The following COL4A4 variants were observed in gnomAD, a reference collection of about 807,000 sequenced individuals.
COL4A4 encodes the protein collagen type IV alpha 4 chain.
In COL4A4, 105 loss-of-function variants were observed where a neutral mutation model predicts 192.9. The ratio of observed to expected loss-of-function variants is 0.54; its 90% CI spans 0.46 to 0.64. COL4A4 has a LOEUF of 0.64. Ranked by LOEUF, COL4A4 falls within the 30% of genes least tolerant of loss-of-function variation. The pLI is 0.00. For missense variants in COL4A4, 1,967 were observed against 2,169.3 expected (o/e 0.91, Z 1.85); for synonymous variants, 762 against 769.9 (o/e 0.99, Z 0.17).
the COL4A4 span, among the ~76,000 whole-genome samples, chr2:226,992,337 TCTC>T: frequency 6.6e-6 from 1 of 152,208 alleles, no homozygotes; most frequent in Non-Finnish European, 1.5e-5. Flanking sequence ...TTAAAAACAT[TCTC>T]CTCAGATCAA....
intron 24 of COL4A4, among the ~76,000 whole-genome samples, chr2:227,079,042 C>T: frequency 6.6e-6 from 1 of 152,204 alleles, no homozygotes. Context: ...ATAACAGCTC[C>T]CATGGGGAAT....
intron 43 of COL4A4, among the ~76,000 whole-genome samples, chr2:227,024,734 G>A (rs1966673514): frequency 6.6e-6 from 1 of 152,190 alleles, no homozygotes; most frequent in African/African-American, 2.4e-5. Context: ...AAAACCACAA[G>A]CCACACAGGG....
chr2:226,987,465 G>A, the COL4A4 span, among the ~76,000 whole-genome samples: 2 of 152,248 alleles, frequency 1.3e-5, no homozygotes, highest in Non-Finnish European at 2.9e-5. Flanking sequence ...CAGCTAGCTG[G>A]TAGGACAGGC....
At chr2:227,134,748 A>G (rs1288649646) in intron 4 of COL4A4, among the ~76,000 whole-genome samples, 2 of 152,254 alleles carry the variant, frequency 1.3e-5, no homozygotes, top group Non-Finnish European at 2.9e-5. Flanking sequence ...CGAAGAAAGA[A>G]TGACTCACTC....
At chr2:227,109,401 G>T in intron 9 of COL4A4, 115 bp from the exon 10 acceptor site, 1 of 842,450 alleles carries the variant, frequency 1.2e-6, no homozygotes, top group Non-Finnish European at 2.1e-6. Context: ...ACAGCCACCA[G>T]CACATCTGCC....
At chr2:227,129,711 TG>T (rs771060720) in intron 4 of COL4A4, among the ~76,000 whole-genome samples, 21 of 152,260 alleles carry the variant, frequency 1.4e-4, no homozygotes, top group Admixed American at 6.5e-5. Context: ...GCCTGGCCTC[TG>T]GTACACTTTT....
At chr2:227,154,272 C>G (rs149297720) in intron 1 of COL4A4, among the ~76,000 whole-genome samples, 34 of 152,288 alleles carry the variant, frequency 2.2e-4, no homozygotes, top group African/African-American at 7.9e-4. Flanking sequence ...CAATGCTTTC[C>G]AAATGACAGG....
chr2:227,145,651 C>T (rs1230431272), intron 2 of COL4A4, among the ~76,000 whole-genome samples: 2 of 152,156 alleles, frequency 1.3e-5, no homozygotes, highest in African/African-American at 4.8e-5. Context: ...TTCTTTTGTT[C>T]TCTGTAGAGC....
intron 4 of COL4A4, among the ~76,000 whole-genome samples, chr2:227,138,826 T>C (rs1459878699): frequency 6.6e-6 from 1 of 152,098 alleles, no homozygotes; most frequent in Non-Finnish European, 1.5e-5. Flanking sequence ...GATGAAGCAA[T>C]ACCATGAGAG....
At chr2:227,081,373 T>C (rs147737206) in intron 23 of COL4A4, among the ~76,000 whole-genome samples, 1 of 152,314 alleles carries the variant, frequency 6.6e-6, no homozygotes, top group East Asian at 1.9e-4. Flanking sequence ...TGCTGAATGC[T>C]TCCTGCCCTT....
At chr2:227,091,922 G>GA (rs5839192) in intron 20 of COL4A4, among the ~76,000 whole-genome samples, 16,863 of 59,690 alleles carry the variant, frequency 0.28, 1,304 homozygotes, top group South Asian at 0.38. Context: ...AAGAAAGAAA[G>GA]AAAGAAAAGA....
At chr2:227,025,661 C>A in intron 43 of COL4A4, 141 bp downstream of exon 43, 1 of 726,224 alleles carries the variant, frequency 1.4e-6, no homozygotes, top group Non-Finnish European at 2.4e-6. Flanking sequence ...AAGCAAAACA[C>A]TGCAGCTTAA....
intron 25 of COL4A4, among the ~76,000 whole-genome samples, chr2:227,063,433 G>C (rs1318352888): frequency 6.6e-6 from 1 of 152,032 alleles, no homozygotes; most frequent in Non-Finnish European, 1.5e-5. Context: ...TTGGGTTCTA[G>C]ACCATGAATT....
chr2:227,053,543 C>CTTTT (rs56724633), intron 31 of COL4A4, among the ~76,000 whole-genome samples: 14 of 102,200 alleles, frequency 1.4e-4, no homozygotes, highest in South Asian at 1.1e-3. Flanking sequence ...TTTTCTTTTT[C>CTTTT]TTTTTTTTTT....
intron 1 of COL4A4, among the ~76,000 whole-genome samples, chr2:227,148,997 AT>A (rs1263014968): frequency 1.3e-5 from 2 of 151,848 alleles, no homozygotes; most frequent in African/African-American, 4.8e-5. Context: ...CACCCGGCTA[AT>A]TTTTTATTTA....
chr2:227,010,486 A>T lies in COL4A4; in HGVS notation c.4349T>A (p.Ile1450Asn), dbSNP rs72969704. The part of the protein sequence containing the change: ...YPGGPGPPGP[I>N]GDPGPKGFGP... ...AAACCCTTTGGGCCCAGGATCCCCA[A>T]TGGGACCAGGAGGCCCTGGAGGAAC... The change falls in exon 46 of 48, where the codon ATT becomes AAT. Residue 1450 changes from isoleucine (I) to asparagine (N), a missense_variant. Physicochemically the swap from Ile to Asn is moderately radical, Grantham distance 149. Coordinates refer to ENST00000396625, the MANE Select transcript of COL4A4 (RefSeq NM_000092.5). 42 of 1,586,958 alleles carry T rather than the reference A, an allele frequency of 2.6e-5. No homozygotes were observed. The Admixed American group carries it at 5.9e-4, about 22-fold the overall frequency.
At chr2:227,135,194 C>T (rs1181986013) in intron 4 of COL4A4, among the ~76,000 whole-genome samples, 3 of 152,272 alleles carry the variant, frequency 2.0e-5, no homozygotes, top group East Asian at 1.9e-4. Flanking sequence ...TGAAAACCCA[C>T]GCCCCATATC....
intron 22 of COL4A4, among the ~76,000 whole-genome samples, chr2:227,083,322 G>A (rs1001468878): frequency 1.3e-5 from 2 of 152,074 alleles, no homozygotes; most frequent in Admixed American, 1.3e-4. Flanking sequence ...AGAGCCCAAG[G>A]TTACTTACCT....
At chr2:227,116,063 T>A (rs1384416694) in intron 7 of COL4A4, among the ~76,000 whole-genome samples, 1 of 152,198 alleles carries the variant, frequency 6.6e-6, no homozygotes, top group African/African-American at 2.4e-5. Context: ...AAGGCTTTAA[T>A]TAGGTGCTGC....
Sources: gnomAD v4.1 joint callset for allele counts (sites outside exome capture counted in the v4.1 genomes callset) on GRCh38, gnomAD v4.1.1 for gene constraint, MANE v1.5 for transcripts, NCBI Gene and HGNC (gene_info 2026-07-23, HGNC 2026-07-21) for gene names.